Variants in MROH1 observed in about 807,000 individuals in gnomAD.
MROH1 encodes maestro heat like repeat family member 1.
In MROH1, 117 loss-of-function variants were observed where a neutral mutation model predicts 116.5. That is an observed-to-expected ratio of 1.00 (90% CI 0.86 to 1.17). The LOEUF is 1.17. Ranked by LOEUF, MROH1 falls within the 50% of genes most tolerant of loss-of-function variation. The pLI, the probability that MROH1 is intolerant of heterozygous loss-of-function variation, is 0.00. For missense variants in MROH1, 1,873 were observed against 1,338.5 expected, an observed-to-expected ratio of 1.40 and a Z score of -6.23; for synonymous variants, 921 against 583.9, an observed-to-expected ratio of 1.58 and a Z score of -8.32.
chr8:144,174,543 G>A (rs1823333367), intron 4 of MROH1, among the ~76,000 whole-genome samples: 1 of 150,900 alleles, frequency 6.6e-6, no homozygotes, highest in Admixed American at 6.6e-5. Flanking sequence ...GAGTGCAGCG[G>A]TGCAATTTTG....
chr8:144,151,352 A>G (rs1420991805), intron 1 of MROH1, among the ~76,000 whole-genome samples: 1 of 151,856 alleles, frequency 6.6e-6, no homozygotes, highest in Admixed American at 6.6e-5. Context: ...AGACACAAGC[A>G]ACTGGACCTC....
Position 144,250,200 on chromosome 8 carries a change from G to A in MROH1, c.3274-12G>A, listed in dbSNP as rs952343185. On this transcript the variant is annotated splice_polypyrimidine_tract_variant and intron_variant, in intron 32 of 43. Transcript: ENST00000326134. ...ACGCGTGGCCTGACCACCGTGTCCC[G>A]CCCATCTACAGGTGCCCGAGATCGT... 484 of 764,556 alleles carry A rather than the reference G, an allele frequency of 6.3e-4. 9 individuals carry two copies. In the South Asian group the frequency reaches 6.3e-3, roughly 10 times the overall value. 47.4% of individuals were successfully genotyped at this position (764,556 alleles called of 1,614,324 possible).
Position 144,240,648 on chromosome 8 carries a change from C to T in MROH1, c.1906C>T (p.Pro636Ser), listed in dbSNP as rs1354722437. The T allele has an allele frequency of 2.8e-6, 2 of 717,394 alleles. No individual in the cohort carries two copies. Among genetic ancestry groups the T allele is most frequent in the South Asian group, 3.0e-5 (2 of 67,564 alleles). The allele number at this position is 717,394 out of a possible 1,614,324, so 44.4% of individuals were successfully genotyped here. The change falls in exon 20 of 44, where the codon CCC becomes TCC. Residue 636 changes from proline (P) to serine (S), a missense_variant. By Grantham distance (74) the Pro-to-Ser change is moderately conservative. Coordinates refer to ENST00000326134, the MANE Select transcript of MROH1 (RefSeq NM_032450.3). ...QLSLELCRQL[P>S]CYDEAPQEKN... is the part of the protein sequence containing the mutation. ...GAGCCTGGAGCTGTGCAGGCAGCTG[C>T]CCTGCTACGATGAGGCACCCCAGGA...
At chr8:144,187,437 A>G (rs1322519077) in intron 7 of MROH1, among the ~76,000 whole-genome samples, 4 of 152,288 alleles carry the variant, frequency 2.6e-5, no homozygotes, top group South Asian at 4.1e-4. Flanking sequence ...CCAAAATCCT[A>G]CAATCACCCA....
At position 144,260,706 on chromosome 8, in the gene MROH1, C is replaced by G. The variant is rs944859283; in HGVS notation, c.4410C>G (p.Ile1470Met). 2.6e-6 allele frequency: 2 copies of G among 779,542 alleles called. No individual in the cohort carries two copies. The highest frequency in any genetic ancestry group is 1.7e-5 in the Admixed American group (1 of 59,020). 48.3% of individuals were successfully genotyped at this position (779,542 alleles called of 1,614,324 possible). A position where few individuals can be genotyped will look rare whatever the true frequency, so the allele number is the denominator to read the frequency against. ...SEKMEFRTAS[I>M]RLFGHLNKVC... ...AGATGGAGTTCCGGACGGCATCTATCCGCCTCTTTGGGCACCTTAACAAGG... is the reference window on the plus strand; with the variant it reads ...AGATGGAGTTCCGGACGGCATCTATGCGCCTCTTTGGGCACCTTAACAAGG... Residue 1470 changes from isoleucine (I) to methionine (M), a missense_variant, in exon 40 of 44, where the codon ATC (isoleucine) becomes ATG (methionine). Coordinates refer to ENST00000326134, the MANE Select transcript of MROH1 (RefSeq NM_032450.3).
intron 12 of MROH1, among the ~76,000 whole-genome samples, chr8:144,209,463 C>A (rs562519310): frequency 6.6e-5 from 10 of 151,836 alleles, no homozygotes; most frequent in Non-Finnish European, 1.5e-4. Context: ...GCCTGTAGTT[C>A]CAGCTACTTG....
chr8:144,172,413 CTT>C (rs1465451668), intron 4 of MROH1, among the ~76,000 whole-genome samples: 1 of 142,992 alleles, frequency 7.0e-6, no homozygotes, highest in Non-Finnish European at 1.5e-5. Flanking sequence ...TTTTTTTTTT[CTT>C]TTTTTTTTTC....
intron 4 of MROH1, among the ~76,000 whole-genome samples, chr8:144,178,571 G>A (rs1329067395): frequency 2.0e-5 from 3 of 152,326 alleles, no homozygotes; most frequent in East Asian, 3.9e-4. Context: ...GCCTGTTCGG[G>A]TTTTTGCAGG....
chr8:144,220,089 C>G (rs1238078778), intron 12 of MROH1, among the ~76,000 whole-genome samples: 1 of 152,204 alleles, frequency 6.6e-6, no homozygotes, highest in Non-Finnish European at 1.5e-5. Context: ...TAGATATCCA[C>G]TTTTTATCCC....
chr8:144,257,023 CTG>C lies in MROH1; in HGVS notation c.3791+1321_3791+1322del, dbSNP rs1343228215. Among the ~76,000 whole-genome samples the C allele has an allele frequency of 1.1e-4, 16 of 152,232 alleles. No individual in the cohort carries two copies. The East Asian group carries it at 1.9e-3, about 18-fold the overall frequency. ...AGACCATGAGGCCCAGCTGAACTGACTGTGGCCCGGTGGGTCCTCCCTCCGCC... is the reference window on the plus strand; with the variant it reads ...AGACCATGAGGCCCAGCTGAACTGACTGGCCCGGTGGGTCCTCCCTCCGCC... On this transcript the variant is annotated intron_variant, in intron 35 of 43. Transcript: ENST00000326134.
intron 11 of MROH1, 148 bp downstream of exon 11, chr8:144,199,348 CCA>C (rs1437098274): frequency 1.3e-6 from 1 of 781,764 alleles, no homozygotes; most frequent in African/African-American, 1.7e-5. Context: ...ACCTGTGGCT[CCA>C]GAGGCCTCTG....
chr8:144,256,815 AC>A (rs1271939891), intron 35 of MROH1, among the ~76,000 whole-genome samples: 3 of 152,224 alleles, frequency 2.0e-5, no homozygotes, highest in African/African-American at 7.2e-5. Context: ...AGCCAAACAC[AC>A]GCTTCCCGTT....
chr8:144,221,614 C>G (rs1836754067), intron 13 of MROH1, among the ~76,000 whole-genome samples: 1 of 152,104 alleles, frequency 6.6e-6, no homozygotes, highest in South Asian at 2.1e-4. Context: ...CCCCATGCCA[C>G]ATCTGTTGCG....
rs1351416725 is a variant in MROH1, at chr8:144,163,803, G to A, written c.-24G>A. On this transcript the variant is annotated 5_prime_UTR_variant, in exon 3 of 44. The change creates a new upstream start codon in the 5' untranslated region. Coordinates refer to ENST00000326134, the MANE Select transcript of MROH1 (RefSeq NM_032450.3). This position sits in a 1 kb window ranked among gnomAD's most constrained non-coding sequence, Gnocchi z 4.4. Reference sequence around the variant, plus strand: ...AAGAAGTTGTCCATGTTCACACTGGGTGAAGGAAGCTGAAACCACAGACAT... The same window carrying A: ...AAGAAGTTGTCCATGTTCACACTGGATGAAGGAAGCTGAAACCACAGACAT... 1 of 1,613,424 alleles carries A rather than the reference G, an allele frequency of 6.2e-7. No homozygotes were observed. Among genetic ancestry groups the A allele is most frequent in the South Asian group, 1.1e-5 (1 of 91,022 alleles).
At chr8:144,226,178 G>A (rs2132505007) in intron 14 of MROH1, among the ~76,000 whole-genome samples, 1 of 152,188 alleles carries the variant, frequency 6.6e-6, no homozygotes, top group Non-Finnish European at 1.5e-5. Flanking sequence ...GCCTCCCAAA[G>A]TGCTGGGATT....
intron 1 of MROH1, among the ~76,000 whole-genome samples, chr8:144,157,530 C>T (rs1251621771): frequency 6.1e-5 from 9 of 147,756 alleles, no homozygotes; most frequent in African/African-American, 2.4e-4. Context: ...GGGAAACCAT[C>T]TAGGTTTTAT....
intron 10 of MROH1, among the ~76,000 whole-genome samples, chr8:144,195,501 CAAAAAAAAAAA>C (rs1163550725): frequency 5.7e-5 from 2 of 35,330 alleles, no homozygotes. Flanking sequence ...GACTCTGTCT[CAAAAAAAAAAA>C]AAAAAAAAAA....
Position 144,261,719 on chromosome 8 carries a change from CCGCCTGGTGAAGCT to C in MROH1, c.4911_4924del (p.Val1638ArgfsTer52). ...GGACGAGGGCTGCTGAGGCCCTGGG[CCGCCTGGTGAAGCT>C]CGCCTAAGGCTCCGGCCAGCACCCC... On this transcript the variant is annotated frameshift_variant, in exon 44 of 44. Transcript: ENST00000326134. LOFTEE classifies it high-confidence loss of function. The C allele has an allele frequency of 1.4e-6, 1 of 720,842 alleles. No individual in the cohort carries two copies. Among genetic ancestry groups the C allele is most frequent in the Non-Finnish European group, 2.5e-6 (1 of 395,986 alleles). 44.7% of individuals were successfully genotyped at this position (720,842 alleles called of 1,614,324 possible).
chr8:144,200,648 T>C, intron 12 of MROH1, 107 bp downstream of exon 12: 1 of 868,286 alleles, frequency 1.2e-6, no homozygotes, highest in East Asian at 2.7e-5. Flanking sequence ...CTGCTTTGAA[T>C]TCTCTAGAAA....
Sources: allele counts gnomAD v4.1 joint callset (sites outside exome capture counted in the v4.1 genomes callset), GRCh38; gene constraint gnomAD v4.1.1; non-coding constraint Gnocchi (gnomAD v3.1); transcripts MANE v1.5; gene names NCBI Gene and HGNC (gene_info 2026-07-23, HGNC 2026-07-21).